Variants in SLC4A4 observed in about 807,000 individuals in gnomAD.
SLC4A4 encodes the protein electrogenic sodium bicarbonate cotransporter 1.
SLC4A4 carries 27 observed loss-of-function variants against 111.5 expected under a neutral mutation model. That is an observed-to-expected ratio of 0.24 (90% CI 0.18 to 0.33). The LOEUF is 0.33. SLC4A4 is among the 10% of genes least tolerant of loss of function. The pLI is 1.00. For missense variants in SLC4A4, 909 were observed against 1,315.5 expected (o/e 0.69, Z 4.78); for synonymous variants, 443 against 463.4 (o/e 0.96, Z 0.57).
chr4:71,181,337 C>T (rs542801471), intron 2 of SLC4A4, among the ~76,000 whole-genome samples: 14 of 152,042 alleles, frequency 9.2e-5, no homozygotes, highest in Non-Finnish European at 1.5e-4. Flanking sequence ...GCACATTGTG[C>T]ACATGTACCC....
chr4:71,079,668 C>T (rs1006252409), intron 1 of SLC4A4, among the ~76,000 whole-genome samples: 20 of 151,594 alleles, frequency 1.3e-4, no homozygotes, highest in African/African-American at 4.4e-4. Context: ...CCCAGCTACT[C>T]GGGAGGCTGT....
chr4:71,516,190 G>A (rs569027493), intron 16 of SLC4A4, among the ~76,000 whole-genome samples: 1 of 131,916 alleles, frequency 7.6e-6, no homozygotes, highest in African/African-American at 2.8e-5. Context: ...CTGCCTCCCG[G>A]GTTCACGCCA....
Position 71,290,201 on chromosome 4 carries a change from G to A in SLC4A4, c.253+34802G>A, listed in dbSNP as rs76146006. Among the ~76,000 whole-genome samples the A allele has an allele frequency of 2.3e-4, 35 of 152,284 alleles. No individual in the cohort carries two copies. The East Asian group carries it at 6.2e-3, about 27-fold the overall frequency. On this transcript the variant is annotated intron_variant, in intron 3 of 25. Coordinates refer to ENST00000264485, the MANE Select transcript of SLC4A4 (RefSeq NM_001098484.3). ...TTTGAGAGCTCAAGTCTTGGCCATC[G>A]ACTTTGGAGGCATTTGTGCAAGGTG...
intron 4 of SLC4A4, among the ~76,000 whole-genome samples, chr4:71,346,694 C>G (rs1729361369): frequency 6.6e-6 from 1 of 151,944 alleles, no homozygotes; most frequent in African/African-American, 2.4e-5. Flanking sequence ...CCAAATTTGT[C>G]CTTGATATGC....
At chr4:71,271,514 C>T (rs570954782) in intron 3 of SLC4A4, among the ~76,000 whole-genome samples, 4 of 152,240 alleles carry the variant, frequency 2.6e-5, no homozygotes, top group Admixed American at 2.6e-4. Flanking sequence ...ACACAATATC[C>T]AGAACCACTA....
intron 1 of SLC4A4, among the ~76,000 whole-genome samples, chr4:71,066,313 G>A (rs954362888): frequency 5.3e-5 from 8 of 151,880 alleles, no homozygotes; most frequent in African/African-American, 9.7e-5. Flanking sequence ...GCTACTACAG[G>A]GCACAAAACA....
intron 2 of SLC4A4, among the ~76,000 whole-genome samples, chr4:71,151,067 A>G (rs1744301554): frequency 6.6e-6 from 1 of 152,184 alleles, no homozygotes; most frequent in Non-Finnish European, 1.5e-5. Context: ...TTTTAAAGTA[A>G]TTTAAATCAA....
chr4:71,523,643 G>A (rs1733158780), intron 16 of SLC4A4, among the ~76,000 whole-genome samples: 1 of 152,012 alleles, frequency 6.6e-6, no homozygotes, highest in Non-Finnish European at 1.5e-5. Flanking sequence ...TTATCCATCA[G>A]AGAAAAGTCA....
intron 7 of SLC4A4, among the ~76,000 whole-genome samples, chr4:71,414,092 G>A (rs1721629717): frequency 6.6e-6 from 1 of 152,234 alleles, no homozygotes; most frequent in African/African-American, 2.4e-5. Flanking sequence ...AGCTTATGAT[G>A]AAACTGTGGA....
At chr4:71,333,321 G>A (rs1203237178) in intron 3 of SLC4A4, among the ~76,000 whole-genome samples, 1 of 152,222 alleles carries the variant, frequency 6.6e-6, no homozygotes, top group Non-Finnish European at 1.5e-5. Context: ...GTTAAGATCT[G>A]AGAGAATTCC....
intron 2 of SLC4A4, among the ~76,000 whole-genome samples, chr4:71,162,645 T>G (rs1030387908): frequency 1.3e-5 from 2 of 152,174 alleles, no homozygotes; most frequent in African/African-American, 4.8e-5. Flanking sequence ...ATTAAAGAGA[T>G]TAGCTCAGGA....
At chr4:71,222,746 C>A (rs1330492213) in intron 1 of SLC4A4, among the ~76,000 whole-genome samples, 1 of 152,206 alleles carries the variant, frequency 6.6e-6, no homozygotes, top group East Asian at 1.9e-4. Context: ...TAATAGTGAA[C>A]TGTGCTCATA....
At chr4:71,540,751 C>T (rs1354485447) in intron 18 of SLC4A4, among the ~76,000 whole-genome samples, 1 of 152,010 alleles carries the variant, frequency 6.6e-6, no homozygotes, top group African/African-American at 2.4e-5. Flanking sequence ...TCATGTCTGC[C>T]CTCAATTAAT....
chr4:71,355,091 CAG>C (rs1189661367), intron 5 of SLC4A4, among the ~76,000 whole-genome samples: 1 of 152,192 alleles, frequency 6.6e-6, no homozygotes. Context: ...TAAAGCCACA[CAG>C]ATGTTTTAAC....
intron 16 of SLC4A4, among the ~76,000 whole-genome samples, chr4:71,514,694 T>G (rs1396485029): frequency 6.6e-6 from 1 of 152,176 alleles, no homozygotes; most frequent in Admixed American, 6.5e-5. Context: ...CTTTTGAGAT[T>G]TTCTATTTCT....
At chr4:71,349,207 G>C (rs888977779) in intron 4 of SLC4A4, among the ~76,000 whole-genome samples, 1 of 152,142 alleles carries the variant, frequency 6.6e-6, no homozygotes, top group Non-Finnish European at 1.5e-5. Flanking sequence ...CATCGCTAAG[G>C]TTAATAGGAT....
chr4:71,073,383 A>G (rs777903918), intron 1 of SLC4A4, among the ~76,000 whole-genome samples: 1 of 152,224 alleles, frequency 6.6e-6, no homozygotes, highest in Non-Finnish European at 1.5e-5. Context: ...CAAAAAGGCT[A>G]TAAAATATGC....
chr4:71,069,471 T>C (rs890894412), intron 1 of SLC4A4, among the ~76,000 whole-genome samples: 3 of 152,252 alleles, frequency 2.0e-5, no homozygotes, highest in African/African-American at 4.8e-5. Flanking sequence ...CTTGACAGGC[T>C]GCACCAGCTT....
At chr4:71,548,966 A>G (rs964315683) in intron 20 of SLC4A4, among the ~76,000 whole-genome samples, 1 of 151,952 alleles carries the variant, frequency 6.6e-6, no homozygotes, top group Non-Finnish European at 1.5e-5. Context: ...GTAATTATTC[A>G]TCTTTTTTCC....
Sources: allele counts gnomAD v4.1 joint callset (sites outside exome capture counted in the v4.1 genomes callset), GRCh38; gene constraint gnomAD v4.1.1; transcripts MANE v1.5; gene names NCBI Gene and HGNC (gene_info 2026-07-23, HGNC 2026-07-21).